HHAT: variants seen among roughly 807,000 people sequenced by gnomAD.
HHAT encodes the protein protein-cysteine N-palmitoyltransferase HHAT.
Under a neutral mutation model 70.8 loss-of-function variants are expected in HHAT, and 47 were observed. The ratio of observed to expected loss-of-function variants is 0.66; its 90% CI spans 0.53 to 0.85. HHAT has a LOEUF of 0.85. HHAT is among the 40% of genes least tolerant of loss of function. HHAT has a pLI of 0.00. For missense variants in HHAT, 609 were observed against 604.8 expected (o/e 1.01, Z -0.07); for synonymous variants, 228 against 247.6 (o/e 0.92, Z 0.74).
At chr1:210,659,043 C>CT (rs779180311) in intron 11 of HHAT, among the ~76,000 whole-genome samples, 8 of 145,418 alleles carry the variant, frequency 5.5e-5, no homozygotes, top group Non-Finnish European at 1.1e-4. Flanking sequence ...GAAGCAAGAG[C>CT]AAACACATTC....
rs2091166859 is a variant in HHAT, at chr1:210,387,459, C to T, written c.160-9C>T. On this transcript the variant is annotated splice_polypyrimidine_tract_variant and intron_variant, in intron 3 of 11. Coordinates refer to ENST00000261458, the MANE Select transcript of HHAT (RefSeq NM_018194.6). Reference sequence around the variant, plus strand: ...AAATCCCTCTGATAAACTATTTTGTCCTATTTAGGATGCGACCGACTTTGA... The same window carrying T: ...AAATCCCTCTGATAAACTATTTTGTTCTATTTAGGATGCGACCGACTTTGA... The T allele has an allele frequency of 1.2e-6, 2 of 1,610,698 alleles. No homozygotes were observed. Among genetic ancestry groups the T allele is most frequent in the Admixed American group, 3.3e-5 (2 of 59,978 alleles).
intron 10 of HHAT, among the ~76,000 whole-genome samples, chr1:210,605,949 C>T (rs907442239): frequency 7.9e-5 from 12 of 151,522 alleles, no homozygotes; most frequent in African/African-American, 1.2e-4. Flanking sequence ...CTCCACCTCC[C>T]AGGTTCAAGC....
intron 8 of HHAT, among the ~76,000 whole-genome samples, chr1:210,510,828 G>T (rs1443720851): frequency 6.6e-6 from 1 of 152,104 alleles, no homozygotes; most frequent in Non-Finnish European, 1.5e-5. Context: ...TACTGTTTCA[G>T]TGCCTTCCTC....
chr1:210,609,886 C>T (rs1373286612), intron 10 of HHAT, among the ~76,000 whole-genome samples: 1 of 152,112 alleles, frequency 6.6e-6, no homozygotes, highest in East Asian at 1.9e-4. Flanking sequence ...TGTATATATA[C>T]CACATTTTTC....
At chr1:210,412,533 C>T (rs1300222688) in intron 6 of HHAT, among the ~76,000 whole-genome samples, 1 of 152,148 alleles carries the variant, frequency 6.6e-6, no homozygotes, top group Non-Finnish European at 1.5e-5. Context: ...ACTCCAATTC[C>T]AAAAGGTAGA....
intron 9 of HHAT, among the ~76,000 whole-genome samples, chr1:210,528,395 G>A (rs576092805): frequency 2.0e-5 from 3 of 152,194 alleles, no homozygotes; most frequent in East Asian, 3.9e-4. Flanking sequence ...CTGGTAGATT[G>A]TCCATGGCTG....
chr1:210,339,135 A>C (rs1295163426), intron 1 of HHAT, among the ~76,000 whole-genome samples: 1 of 152,218 alleles, frequency 6.6e-6, no homozygotes, highest in Non-Finnish European at 1.5e-5. Context: ...AGGCTGTTAT[A>C]AAAGGAATTC....
intron 9 of HHAT, among the ~76,000 whole-genome samples, chr1:210,559,024 T>A (rs894890458): frequency 6.6e-6 from 1 of 152,180 alleles, no homozygotes; most frequent in Non-Finnish European, 1.5e-5. Context: ...TAGAATCCCG[T>A]TCGGTCAGTT....
intron 11 of HHAT, among the ~76,000 whole-genome samples, chr1:210,637,070 CGATAATAAATAT>C (rs1235025163): frequency 6.6e-6 from 1 of 152,174 alleles, no homozygotes; most frequent in African/African-American, 2.4e-5. Context: ...AGATTAAATA[CGATAATAAATAT>C]AACCTTACAC....
intron 7 of HHAT, among the ~76,000 whole-genome samples, chr1:210,434,233 G>A (rs1293157940): frequency 1.4e-4 from 21 of 151,858 alleles, no homozygotes; most frequent in Admixed American, 1.4e-3. Context: ...CTGTTCATTC[G>A]GGGGAATATA....
intron 7 of HHAT, among the ~76,000 whole-genome samples, chr1:210,436,665 G>A (rs1267290913): frequency 6.6e-6 from 1 of 151,650 alleles, no homozygotes; most frequent in African/African-American, 2.4e-5. Context: ...ACAGGTCTAA[G>A]CCATTGCAAG....
intron 8 of HHAT, among the ~76,000 whole-genome samples, chr1:210,502,369 G>A (rs1397587870): frequency 6.1e-5 from 6 of 98,000 alleles, no homozygotes; most frequent in Non-Finnish European, 1.2e-4. Context: ...GGGCAAAAGA[G>A]CAAGACTCAG....
At chr1:210,387,239 G>A (rs543284055) in intron 3 of HHAT, among the ~76,000 whole-genome samples, 1 of 152,186 alleles carries the variant, frequency 6.6e-6, no homozygotes, top group Non-Finnish European at 1.5e-5. Context: ...AATGGCAATG[G>A]CAATCATTCC....
chr1:210,377,171 G>C (rs543611478), intron 3 of HHAT, among the ~76,000 whole-genome samples: 1 of 152,172 alleles, frequency 6.6e-6, no homozygotes, highest in Non-Finnish European at 1.5e-5. Flanking sequence ...TGATATTCTG[G>C]GAAAGTGACA....
intron 11 of HHAT, among the ~76,000 whole-genome samples, chr1:210,672,359 T>G (rs1680260246): frequency 6.6e-6 from 1 of 152,224 alleles, no homozygotes; most frequent in African/African-American, 2.4e-5. Context: ...TCTGTCTGCC[T>G]GCCTCCTCCC....
intron 6 of HHAT, among the ~76,000 whole-genome samples, chr1:210,405,283 G>A (rs1378672335): frequency 6.6e-6 from 1 of 152,018 alleles, no homozygotes; most frequent in African/African-American, 2.4e-5. Flanking sequence ...GCCATGTTAA[G>A]CTACCTCTGT....
chr1:210,674,613 G>A lies in HHAT; in HGVS notation c.*234G>A. 1 of 514,596 alleles carries A rather than the reference G, an allele frequency of 1.9e-6. No homozygotes were observed. 31.9% of individuals were successfully genotyped at this position (514,596 alleles called of 1,614,324 possible). On this transcript the variant is annotated 3_prime_UTR_variant, in exon 12 of 12. Transcript: ENST00000261458. ...CTCATCATTTTCCTATTGAGGAAAC[G>A]GGTCCAGGGCAGTCGTGTGTCTTAC...
chr1:210,606,290 C>T (rs1665416546), intron 10 of HHAT, among the ~76,000 whole-genome samples: 1 of 152,158 alleles, frequency 6.6e-6, no homozygotes, highest in Admixed American at 6.5e-5. Context: ...ACTCAGCACA[C>T]CATGGTAAGT....
chr1:210,491,377 A>T (rs2094549638), intron 8 of HHAT, among the ~76,000 whole-genome samples: 1 of 152,112 alleles, frequency 6.6e-6, no homozygotes, highest in East Asian at 1.9e-4. Flanking sequence ...CTTAGGATAA[A>T]CTGCAAACTC....
Sources: allele counts gnomAD v4.1 joint callset (sites outside exome capture counted in the v4.1 genomes callset), GRCh38; gene constraint gnomAD v4.1.1; transcripts MANE v1.5; gene names NCBI Gene and HGNC (gene_info 2026-07-23, HGNC 2026-07-21).